Variants in ITIH1 observed in about 807,000 individuals in gnomAD.
ITIH1 encodes inter-alpha-trypsin inhibitor heavy chain 1.
Under a neutral mutation model 104.6 loss-of-function variants are expected in ITIH1, and 94 were observed. That is an observed-to-expected ratio of 0.90 (90% CI 0.76 to 1.07). The LOEUF (loss-of-function observed/expected upper bound fraction) is 1.07. Among genes scored for constraint, ITIH1 ranks in the 50% least tolerant of loss-of-function variants. ITIH1 has a pLI of 0.00. For missense variants in ITIH1, 1,193 were observed against 1,181.4 expected (o/e 1.01, Z -0.14); for synonymous variants, 455 against 464.4 (o/e 0.98, Z 0.26).
At chr3:52,784,610 C>A in intron 11 of ITIH1, 133 bp downstream of exon 11, 1 of 915,252 alleles carries the variant, frequency 1.1e-6, no homozygotes, top group South Asian at 1.7e-5. Context: ...ATGGGCCAGG[C>A]ATGGTGGCTC....
At position 52,779,761 on chromosome 3, in the gene ITIH1, C is replaced by G. The variant is rs2087035663; in HGVS notation, c.573+167C>G. 1 of 1,038,308 alleles carries G rather than the reference C, an allele frequency of 9.6e-7. No homozygotes were observed. The highest frequency in any genetic ancestry group is 1.5e-5 in the South Asian group (1 of 65,590). The allele number at this position is 1,038,308 out of a possible 1,614,324, so 64.3% of individuals were successfully genotyped here. A position where few individuals can be genotyped will look rare whatever the true frequency, so the allele number is the denominator to read the frequency against. ...TGTGCTCTTCTTGGGCAGGGAACTC[C>G]CTGAATTCTCTAACTTCCTCTTTAT... On this transcript the variant is annotated intron_variant, in intron 5 of 21. Coordinates refer to ENST00000273283, the MANE Select transcript of ITIH1 (RefSeq NM_002215.4). The surrounding 1 kb of genome is among the most constrained non-coding windows in gnomAD (Gnocchi z 4.4).
At chr3:52,784,566 G>A in intron 11 of ITIH1, 89 bp downstream of exon 11, 2 of 1,284,354 alleles carry the variant, frequency 1.6e-6, no homozygotes, top group Admixed American at 2.1e-5. Context: ...TAGAGGAGCA[G>A]ATAAAGCTCT....
intron 8 of ITIH1, 130 bp from the exon 9 acceptor site, chr3:52,782,827 C>A: frequency 1.1e-6 from 1 of 887,518 alleles, no homozygotes; most frequent in Non-Finnish European, 1.7e-6. Flanking sequence ...GTCTCGGGGC[C>A]ACCTGGTTGT....
Position 52,778,032 on chromosome 3 carries a change from T to C in ITIH1, c.138+15T>C, listed in dbSNP as rs367708318. On this transcript the variant is annotated intron_variant, in intron 2 of 21. Transcript: ENST00000273283. ...CTGTGGACACCGTGAGTAAGAGTCC[T>C]GGCAAAGGGGTCTGTGACAGAGCCC... 2 of 1,614,144 alleles carry C rather than the reference T, an allele frequency of 1.2e-6. No individual in the cohort carries two copies. The highest frequency in any genetic ancestry group is 2.7e-5 in the African/African-American group (2 of 75,068).
At chr3:52,786,521 T>C in intron 13 of ITIH1, 87 bp downstream of exon 13, 1 of 1,297,672 alleles carries the variant, frequency 7.7e-7, no homozygotes, top group Non-Finnish European at 1.1e-6. Context: ...GGGGTGGTTC[T>C]GGGGCAAGTA....
intron 6 of ITIH1, 26 bp downstream of exon 6, chr3:52,780,408 G>C (rs780042956): frequency 6.5e-7 from 1 of 1,539,718 alleles, no homozygotes; most frequent in Non-Finnish European, 9.0e-7. Flanking sequence ...AGGGGGTGGT[G>C]GTGGGCCCTT....
chr3:52,779,537 T>C lies in ITIH1; in HGVS notation c.516T>C (p.His172=), dbSNP rs1199905471. Residue 172 remains histidine, a synonymous_variant, in exon 5 of 22, where the codon CAT becomes CAC. Transcript: ENST00000273283. The surrounding 1 kb of genome is among the most constrained non-coding windows in gnomAD (Gnocchi z 4.4). The part of the protein sequence containing the change: ...LTYEEVLKRN[H]MQYEIVIKVK... Reference sequence around the variant, plus strand: ...ATGAGGAAGTGCTGAAGAGAAACCATATGCAGTATGAAATTGTCATCAAAG... The same window carrying C: ...ATGAGGAAGTGCTGAAGAGAAACCACATGCAGTATGAAATTGTCATCAAAG... 14 of 1,614,166 alleles carry C rather than the reference T, an allele frequency of 8.7e-6. No individual in the cohort carries two copies. Among genetic ancestry groups the C allele is most frequent in the Middle Eastern group, 1.6e-4 (1 of 6,062 alleles).
chr3:52,786,257 T>C, intron 12 of ITIH1, 38 bp from the exon 13 acceptor site: 3 of 1,552,368 alleles, frequency 1.9e-6, no homozygotes, highest in South Asian at 1.2e-5. Flanking sequence ...GCCGTGCTTA[T>C]CATGGTGCAC....
Position 52,780,429 on chromosome 3 carries a change from T to C in ITIH1, c.687+47T>C, listed in dbSNP as rs748641202. On this transcript the variant is annotated intron_variant, in intron 6 of 21. Transcript: ENST00000273283. ...TGGTGGTGGGCCCTTTGGAGACTTC[T>C]CAGCCTGCCCACCCCTTATGGAATG... 3.2e-5 allele frequency: 42 copies of C among 1,312,118 alleles called. No individual in the cohort carries two copies. In the Admixed American group the frequency reaches 7.2e-4, roughly 22 times the overall value. The allele number at this position is 1,312,118 out of a possible 1,614,324, so 81.3% of individuals were successfully genotyped here.
rs1251800237 is a variant in ITIH1 at position 52,791,915 on chromosome 3, C to T, written c.*4C>T. 4 of 1,609,628 alleles carry T rather than the reference C, an allele frequency of 2.5e-6. No individual in the cohort carries two copies. The highest frequency in any genetic ancestry group is 1.3e-5 in the African/African-American group (1 of 74,854). On this transcript the variant is annotated 3_prime_UTR_variant, in exon 22 of 22. Transcript: ENST00000273283. ...TATCGTCCCCGACATCTTCTGAGCC[C>T]TCTGGCCAGCACGCCTGTCCTCCCC...
In ITIH1 at chr3:52,783,324, G is replaced by T; in HGVS notation, c.1210G>T (p.Gly404Cys). 6.2e-7 allele frequency: 1 copy of T among 1,614,058 alleles called. No homozygotes were observed. The highest frequency in any genetic ancestry group is 8.5e-7 in the Non-Finnish European group (1 of 1,180,022). ...HASILIMLTD[G>C]DPTEGVTDRS... ...CTCAATACTCATCATGTTGACAGAT[G>T]GCGATCCCACAGAGGGTAAGCACCT... Residue 404 changes from glycine to cysteine, a missense_variant, in exon 10 of 22, where the codon GGC (glycine) becomes TGC (cysteine). Coordinates refer to ENST00000273283, the MANE Select transcript of ITIH1 (RefSeq NM_002215.4).
Position 52,778,336 on chromosome 3 carries a change from T to C in ITIH1, c.139-4T>C. 6.2e-7 allele frequency: 1 copy of C among 1,614,144 alleles called. No individual in the cohort carries two copies. Among genetic ancestry groups the C allele is most frequent in the Non-Finnish European group, 8.5e-7 (1 of 1,179,986 alleles). ...GGCCACAGCTCCTTCATGTCTCACTTTAGGCTGTCGATGGCGTGTTCATCC... is the reference window on the plus strand; with the variant it reads ...GGCCACAGCTCCTTCATGTCTCACTCTAGGCTGTCGATGGCGTGTTCATCC... On this transcript the variant is annotated splice_region_variant and splice_polypyrimidine_tract_variant and intron_variant, in intron 2 of 21. Transcript: ENST00000273283.
chr3:52,786,310 A>T lies in ITIH1; in HGVS notation c.1609A>T (p.Ser537Cys). Reference sequence around the variant, plus strand: ...CAACTCTCAGGAGGGACAAGAATTCAGTATAACCTGCCTAGTGGATGAGGA... The same window carrying T: ...CAACTCTCAGGAGGGACAAGAATTCTGTATAACCTGCCTAGTGGATGAGGA... ...VQAHGEGQEF[S>C]ITCLVDEEEM... is the part of the protein sequence containing the mutation. The change falls in exon 13 of 22, where the codon AGT (serine) becomes TGT (cysteine). Residue 537 changes from serine to cysteine, a missense_variant. Transcript: ENST00000273283. 6.4e-7 allele frequency: 1 copy of T among 1,570,756 alleles called. No individual in the cohort carries two copies. The highest frequency in any genetic ancestry group is 2.3e-5 in the East Asian group (1 of 43,348).
intron 18 of ITIH1, among the ~76,000 whole-genome samples, chr3:52,789,440 G>C (rs959789464): frequency 2.0e-5 from 3 of 152,176 alleles, no homozygotes; most frequent in African/African-American, 7.2e-5. Flanking sequence ...ACTGAGAGCT[G>C]AGTATGGGAT....
chr3:52,780,227 C>T, intron 5 of ITIH1, 42 bp from the exon 6 acceptor site: 1 of 1,480,354 alleles, frequency 6.8e-7, no homozygotes, highest in Non-Finnish European at 9.3e-7. Context: ...AAGCAAGATC[C>T]CATCTTTTTT....
rs201884766 is a variant in ITIH1, at chr3:52,788,298, A to T, written c.2072A>T (p.Asn691Ile). The T allele has an allele frequency of 6.2e-7, 1 of 1,611,456 alleles. No individual in the cohort carries two copies. The highest frequency in any genetic ancestry group is 8.5e-7 in the Non-Finnish European group (1 of 1,178,902). ...GAGGACACCCTGTGCTTCAACATCA[A>T]TGAGGAGCCTGGTGTTATCCTGAGC... ...QKEDTLCFNI[N>I]EEPGVILSLV... The change falls in exon 18 of 22, where the codon AAT becomes ATT. Residue 691 changes from asparagine to isoleucine, a missense_variant. Transcript: ENST00000273283.
At chr3:52,777,852 G>T in intron 1 of ITIH1, 120 bp downstream of exon 1, 1 of 1,349,458 alleles carries the variant, frequency 7.4e-7, no homozygotes, top group Non-Finnish European at 1.1e-6. Context: ...CCACTTCTGA[G>T]TGGAGAGGTG....
chr3:52,780,055 A>G, intron 5 of ITIH1: 2 of 1,129,696 alleles, frequency 1.8e-6, no homozygotes, highest in Non-Finnish European at 2.4e-6. Context: ...TGCACACAGT[A>G]GGTGGCCAGG....
chr3:52,788,954 G>A (rs994019031), intron 18 of ITIH1, among the ~76,000 whole-genome samples: 2 of 151,844 alleles, frequency 1.3e-5, no homozygotes, highest in Admixed American at 1.3e-4. Context: ...CTGCAAATAT[G>A]TCACAGTCCT....
Sources: allele counts gnomAD v4.1 joint callset (sites outside exome capture counted in the v4.1 genomes callset), GRCh38; gene constraint gnomAD v4.1.1; non-coding constraint Gnocchi (gnomAD v3.1); transcripts MANE v1.5; gene names NCBI Gene and HGNC (gene_info 2026-07-23, HGNC 2026-07-21).